The following PFKP variants were observed in gnomAD, a reference collection of about 807,000 sequenced individuals.
The protein encoded by PFKP is phosphofructokinase, platelet, also known as ATP-dependent 6-phosphofructokinase, platelet type.
PFKP carries 101 observed loss-of-function variants against 94.3 expected under a neutral mutation model. The observed-to-expected ratio is 1.07, with a 90% CI of 0.91 to 1.26. The LOEUF (loss-of-function observed/expected upper bound fraction) is 1.26, where lower values mean the gene tolerates loss of function less well. PFKP is among the 50% of genes most tolerant of loss of function. The pLI is 0.00. For synonymous variants in PFKP, 573 were observed against 432.6 expected (o/e 1.32, Z -4.03); for missense variants, 1,145 against 1,103.3 (o/e 1.04, Z -0.53).
chr10:3,078,666 ATGT>A (rs755783847), intron 1 of PFKP, among the ~76,000 whole-genome samples: 2 of 152,200 alleles, frequency 1.3e-5, no homozygotes, highest in African/African-American at 2.4e-5. Flanking sequence ...CCGCTTACTA[ATGT>A]TGTTACCTTC....
chr10:3,089,197 G>T (rs150084818), intron 2 of PFKP, among the ~76,000 whole-genome samples: 36 of 152,236 alleles, frequency 2.4e-4, no homozygotes, highest in Non-Finnish European at 4.1e-4. Flanking sequence ...GCCTCCCAAA[G>T]TGCCGGGATT....
In PFKP at chr10:3,107,271, A is replaced by G. The variant is rs1359292607; in HGVS notation, c.832A>G (p.Thr278Ala). 6.2e-7 allele frequency: 1 copy of G among 1,612,074 alleles called. No individual in the cohort carries two copies. The highest frequency in any genetic ancestry group is 8.5e-7 in the Non-Finnish European group (1 of 1,178,570). The change falls in exon 8 of 22, where the codon ACC becomes GCC. Residue 278 changes from threonine (T) to alanine (A), a missense_variant. Thr to Ala is a moderately conservative substitution (Grantham distance 58, BLOSUM62 0). Around this residue, in one of 3 missense-constraint regions of PFKP, gnomAD observed 1,119 missense variants for 1,062.8 expected, o/e 1.05. Coordinates refer to ENST00000381125, the MANE Select transcript of PFKP (RefSeq NM_002627.5). ...TATTGTGGCTGAAGGAGCAATTGAT[A>G]CCCAAAATAAACCCATCACCTCTGA... ...IIIVAEGAID[T>A]QNKPITSEKI...
intron 4 of PFKP, 103 bp downstream of exon 4, chr10:3,101,657 A>C: frequency 2.7e-6 from 2 of 753,500 alleles, no homozygotes; most frequent in Non-Finnish European, 2.1e-6. Context: ...ACCTCTTCTC[A>C]CAGATCTTAC....
intron 2 of PFKP, among the ~76,000 whole-genome samples, 182 bp downstream of exon 2, chr10:3,082,643 C>G (rs979609450): frequency 6.6e-6 from 1 of 152,182 alleles, no homozygotes; most frequent in Non-Finnish European, 1.5e-5. Context: ...TCTGCAGGGA[C>G]AGATGCCTGG....
At chr10:3,110,057 TCACCCGAAGATA>T (rs1836020111) in intron 10 of PFKP, among the ~76,000 whole-genome samples, 2 of 152,118 alleles carry the variant, frequency 1.3e-5, no homozygotes, top group African/African-American at 4.8e-5. Flanking sequence ...AAAGCTCTGG[TCACCCGAAGATA>T]CACCCACCCT....
chr10:3,112,671 T>C (rs7903250), intron 11 of PFKP, among the ~76,000 whole-genome samples: 109,940 of 152,128 alleles, frequency 0.72, 40,153 homozygotes, highest in East Asian at 0.93. Context: ...AATTCTCATG[T>C]CTCAGCCTCC....
chr10:3,103,696 C>A, intron 4 of PFKP, 83 bp from the exon 5 acceptor site: 2 of 1,353,320 alleles, frequency 1.5e-6, no homozygotes, highest in Non-Finnish European at 2.1e-6. Context: ...CTACCCATGG[C>A]CATTCTGCCT....
In PFKP at chr10:3,112,176, C is replaced by T. The variant is rs74449231; in HGVS notation, c.1090-46C>T. The T allele has an allele frequency of 1.0e-3, 1,534 of 1,485,870 alleles. 19 individuals are homozygous for T. The African/African-American group carries it at 0.019, about 18-fold the overall frequency. 92.0% of individuals were successfully genotyped at this position (1,485,870 alleles called of 1,614,324 possible). Reference sequence around the variant, plus strand: ...CTCTACCTACCCCATCCATGATGCACCAGGTCCTGACACATTCTTTCTTCT... The same window carrying T: ...CTCTACCTACCCCATCCATGATGCATCAGGTCCTGACACATTCTTTCTTCT... On this transcript the variant is annotated intron_variant, in intron 10 of 21. Transcript: ENST00000381125.
chr10:3,113,553 C>T (rs375787395), intron 13 of PFKP, 35 bp downstream of exon 13: 8 of 1,601,158 alleles, frequency 5.0e-6, no homozygotes, highest in East Asian at 2.2e-5. Context: ...CAGGCAGACA[C>T]CCTGGCTGTG....
intron 2 of PFKP, among the ~76,000 whole-genome samples, chr10:3,095,236 C>CGCATAGGTGAACTACGCG: frequency 6.6e-6 from 1 of 151,600 alleles, no homozygotes; most frequent in South Asian, 2.1e-4. Flanking sequence ...AGAAAGCCAC[C>CGCATAGGTGAACTACGCG]CATAGGTGAA....
At chr10:3,129,219 T>C (rs7100037) in intron 16 of PFKP, 61,891 of 151,978 alleles carry the variant, frequency 0.41, 12,903 homozygotes, top group African/African-American at 0.5. Context: ...CACTCTGGGA[T>C]CCGATGCCTG....
At chr10:3,130,450 C>T (rs189084736) in intron 17 of PFKP, among the ~76,000 whole-genome samples, 16 of 152,318 alleles carry the variant, frequency 1.1e-4, no homozygotes, top group East Asian at 5.8e-4. Context: ...GCTGACCCCG[C>T]GGTCTGCCCC....
At chr10:3,127,799 G>T (rs1159584322) in intron 16 of PFKP, among the ~76,000 whole-genome samples, 1 of 152,186 alleles carries the variant, frequency 6.6e-6, no homozygotes, top group Non-Finnish European at 1.5e-5. Flanking sequence ...CCGCTAACTA[G>T]AGTCCGTGTT....
At chr10:3,093,634 TTA>T (rs1469723231) in intron 2 of PFKP, among the ~76,000 whole-genome samples, 1 of 130,706 alleles carries the variant, frequency 7.7e-6, no homozygotes, top group Non-Finnish European at 1.6e-5. Flanking sequence ...GGAACAAGCA[TTA>T]TCTTTTTTTT....
chr10:3,088,239 T>C (rs1000901260), intron 2 of PFKP, among the ~76,000 whole-genome samples: 2 of 146,976 alleles, frequency 1.4e-5, no homozygotes, highest in African/African-American at 5.0e-5. Flanking sequence ...AGTGAGAACA[T>C]GTGGTGTTTG....
chr10:3,079,676 A>AGGGGGGGGGGGGGGGGG (rs1832893826), intron 1 of PFKP, among the ~76,000 whole-genome samples: 1 of 59,394 alleles, frequency 1.7e-5, no homozygotes, highest in African/African-American at 5.5e-5. Flanking sequence ...GGGGGGGGGA[A>AGGGGGGGGGGGGGGGGG]GAGGAGCAGG....
chr10:3,076,474 A>G (rs58639902), intron 1 of PFKP, among the ~76,000 whole-genome samples: 26,392 of 151,798 alleles, frequency 0.17, 2,598 homozygotes, highest in East Asian at 0.32. Flanking sequence ...TCTTTCTCCA[A>G]ACGTCACTCT....
Position 3,067,670 on chromosome 10 carries a change from G to T in PFKP, c.75G>T (p.Lys25Asn). ...TGGAGCACCTCTCCGGGGCCGGCAAGGCCATCGGCGTGCTGACCAGCGGCG... is the reference window on the plus strand; with the variant it reads ...TGGAGCACCTCTCCGGGGCCGGCAATGCCATCGGCGTGCTGACCAGCGGCG... ...KFLEHLSGAG[K>N]AIGVLTSGGD... Residue 25 changes from lysine to asparagine, a missense_variant, in exon 1 of 22, where the codon AAG (lysine) becomes AAT (asparagine). Coordinates refer to ENST00000381125, the MANE Select transcript of PFKP (RefSeq NM_002627.5). 1 of 1,530,864 alleles carries T rather than the reference G, an allele frequency of 6.5e-7. No individual in the cohort carries two copies. The highest frequency in any genetic ancestry group is 8.8e-7 in the Non-Finnish European group (1 of 1,138,558). The allele number at this position is 1,530,864 out of a possible 1,614,324, so 94.8% of individuals were successfully genotyped here.
In PFKP at chr10:3,136,639, A is replaced by AT; in HGVS notation, c.*60_*61insT. On this transcript the variant is annotated 3_prime_UTR_variant, in exon 22 of 22. Coordinates refer to ENST00000381125, the MANE Select transcript of PFKP (RefSeq NM_002627.5). ...GGACTGTCTGTTTTTGTAACACTTA[A>AT]GTTATTTTATCAGCACTTTATGCAC... 1 of 1,572,004 alleles carries AT rather than the reference A, an allele frequency of 6.4e-7. No homozygotes were observed. The highest frequency in any genetic ancestry group is 8.7e-7 in the Non-Finnish European group (1 of 1,149,682).
Sources: allele counts gnomAD v4.1 joint callset (sites outside exome capture counted in the v4.1 genomes callset), GRCh38; gene constraint gnomAD v4.1.1; regional missense constraint gnomAD v4.1.1; transcripts MANE v1.5; gene names NCBI Gene and HGNC (gene_info 2026-07-23, HGNC 2026-07-21).